The following STEAP4 variants were observed in gnomAD, a reference collection of about 807,000 sequenced individuals.
STEAP4 encodes the protein STEAP4 metalloreductase.
Under a neutral mutation model 43.6 loss-of-function variants are expected in STEAP4, and 36 were observed. The ratio of observed to expected loss-of-function variants is 0.83; its 90% confidence interval spans 0.63 to 1.09. The LOEUF (loss-of-function observed/expected upper bound fraction) is 1.09, where lower values mean the gene tolerates loss of function less well. Ranked by LOEUF, STEAP4 falls within the 50% of genes least tolerant of loss-of-function variation. The pLI is 0.00. For missense variants in STEAP4, 495 were observed against 546.5 expected (o/e 0.91, Z 0.94); for synonymous variants, 191 against 196.7 (o/e 0.97, Z 0.24).
At chr7:88,304,738 CA>C (rs1853100534) in intron 1 of STEAP4, among the ~76,000 whole-genome samples, 1 of 151,802 alleles carries the variant, frequency 6.6e-6, no homozygotes, top group South Asian at 2.1e-4. Flanking sequence ...ATTTGATAAA[CA>C]CGTCTAAATT....
At chr7:88,285,156 A>C (rs1378676284) in intron 1 of STEAP4, among the ~76,000 whole-genome samples, 1 of 152,286 alleles carries the variant, frequency 6.6e-6, no homozygotes, top group African/African-American at 2.4e-5. Context: ...TTCAACATCT[A>C]GGCTGGGAAC....
In STEAP4 at chr7:88,305,123, G is replaced by C. The variant is rs531130325; in HGVS notation, c.-3+1669C>G. 2.6e-5 allele frequency among the ~76,000 whole-genome samples: 4 copies of C among 152,246 alleles called. No homozygotes were observed. In the South Asian group the frequency reaches 8.3e-4, roughly 32 times the overall value. The stretch of plus-strand genomic sequence containing the variant: ...GAAATTGTTCTTCAGCTAGGGGCCA[G>C]GCCTTGTACACCTGGTTTCTGAACA... On this transcript the variant is annotated intron_variant, in intron 1 of 4. Coordinates refer to ENST00000380079, the MANE Select transcript of STEAP4 (RefSeq NM_024636.4).
At chr7:88,289,508 T>G (rs1852800666) in intron 1 of STEAP4, among the ~76,000 whole-genome samples, 1 of 152,190 alleles carries the variant, frequency 6.6e-6, no homozygotes, top group Non-Finnish European at 1.5e-5. Context: ...TTCAGAAATT[T>G]GTGCTTTCCA....
intron 2 of STEAP4, 158 bp downstream of exon 2, chr7:88,283,656 A>G (rs1852669920): frequency 1.2e-6 from 1 of 801,898 alleles, no homozygotes; most frequent in African/African-American, 1.7e-5. Flanking sequence ...TGACCACCTT[A>G]TTTGGTCAAG....
In STEAP4 at chr7:88,272,048, C is replaced by T. The variant is rs945356959; in HGVS notation, c.*7350G>A. ...TTGGCACTGCCAACTACGAGTTCCT[C>T]TTGGCGGCCACCTCTACAAGCTGAA... On this transcript the variant is annotated 3_prime_UTR_variant, in exon 5 of 5. Coordinates refer to ENST00000380079, the MANE Select transcript of STEAP4 (RefSeq NM_024636.4). 1.3e-5 allele frequency: 2 copies of T among 152,218 alleles called. No homozygotes were observed. Among genetic ancestry groups the T allele is most frequent in the South Asian group, 4.1e-4 (2 of 4,832 alleles). 9.4% of individuals were successfully genotyped at this position (152,218 alleles called of 1,614,324 possible).
At chr7:88,286,090 G>T (rs1852729691) in intron 1 of STEAP4, among the ~76,000 whole-genome samples, 1 of 152,162 alleles carries the variant, frequency 6.6e-6, no homozygotes, top group Non-Finnish European at 1.5e-5. Context: ...TTTTATAGCT[G>T]ATTATAAAAC....
intron 1 of STEAP4, among the ~76,000 whole-genome samples, chr7:88,289,911 T>G (rs533104429): frequency 2.6e-5 from 4 of 152,252 alleles, no homozygotes; most frequent in Non-Finnish European, 4.4e-5. Context: ...ACACCTAGTT[T>G]TATAAATCAA....
chr7:88,297,858 G>C lies in STEAP4; in HGVS notation c.-3+8934C>G, dbSNP rs79932188. Among the ~76,000 whole-genome samples the C allele has an allele frequency of 2.0e-5, 3 of 152,216 alleles. No individual in the cohort carries two copies. In the East Asian group the frequency reaches 5.8e-4, roughly 29 times the overall value. ...TTGAAAACATTGTGACAGAAATGCA[G>C]TTTATACACCTAAACTGCCCACATT... On this transcript the variant is annotated intron_variant, in intron 1 of 4. Transcript: ENST00000380079.
At chr7:88,288,955 A>G (rs1401969830) in intron 1 of STEAP4, among the ~76,000 whole-genome samples, 1 of 152,146 alleles carries the variant, frequency 6.6e-6, no homozygotes, top group Non-Finnish European at 1.5e-5. Flanking sequence ...ATACTTTTGA[A>G]GAATATCTTT....
rs572587800 is a variant in STEAP4, at chr7:88,301,390, C to T, written c.-3+5402G>A. On this transcript the variant is annotated intron_variant, in intron 1 of 4. Transcript: ENST00000380079. ...CAGGCTCAAGAGATCTTCCCACTTC[C>T]GCCTCCCAAGTAGCTGAGACTACAT... 1.1e-4 allele frequency among the ~76,000 whole-genome samples: 17 copies of T among 152,204 alleles called. No individual in the cohort carries two copies. The East Asian group carries it at 1.2e-3, about 10-fold the overall frequency.
chr7:88,305,733 T>G (rs1040434678), intron 1 of STEAP4, among the ~76,000 whole-genome samples: 2 of 152,212 alleles, frequency 1.3e-5, no homozygotes, highest in African/African-American at 2.4e-5. Flanking sequence ...AAGGAGATTT[T>G]CTATGTATTT....
At chr7:88,300,798 A>G (rs1477948125) in intron 1 of STEAP4, among the ~76,000 whole-genome samples, 2 of 152,188 alleles carry the variant, frequency 1.3e-5, no homozygotes, top group Non-Finnish European at 2.9e-5. Flanking sequence ...CTGATGGGAT[A>G]ATACCATTTT....
chr7:88,305,378 T>C (rs538213404), intron 1 of STEAP4, among the ~76,000 whole-genome samples: 6 of 152,338 alleles, frequency 3.9e-5, no homozygotes, highest in Non-Finnish European at 7.4e-5. Context: ...CACAGCATTC[T>C]GAAAAACTTG....
intron 1 of STEAP4, among the ~76,000 whole-genome samples, chr7:88,286,700 G>C (rs1852740330): frequency 6.6e-6 from 1 of 151,830 alleles, no homozygotes; most frequent in South Asian, 2.1e-4. Context: ...AACAGAGTGA[G>C]ACTCTGTCCC....
At chr7:88,284,761 A>T in intron 1 of STEAP4, among the ~76,000 whole-genome samples, 1 of 152,174 alleles carries the variant, frequency 6.6e-6, no homozygotes, top group East Asian at 1.9e-4. Flanking sequence ...TTAAAATTTA[A>T]TTTTATATTA....
intron 1 of STEAP4, chr7:88,292,593 T>C (rs1003281980): frequency 2.8e-4 from 43 of 152,174 alleles, no homozygotes; most frequent in African/African-American, 7.0e-4. Context: ...GACATTGACA[T>C]TGGAGCCATA....
chr7:88,296,419 A>G (rs1852924250), intron 1 of STEAP4, among the ~76,000 whole-genome samples: 1 of 152,194 alleles, frequency 6.6e-6, no homozygotes, highest in African/African-American at 2.4e-5. Flanking sequence ...TAACACCTTC[A>G]AACTGTTTAA....
intron 4 of STEAP4, 24 bp from the exon 5 acceptor site, chr7:88,279,652 G>GT (rs1260682648): frequency 3.2e-6 from 5 of 1,553,136 alleles, no homozygotes; most frequent in Non-Finnish European, 3.5e-6. Flanking sequence ...ACAAAAATAT[G>GT]TAAGTTAACA....
intron 1 of STEAP4, among the ~76,000 whole-genome samples, chr7:88,302,005 T>C (rs1022214948): frequency 3.6e-4 from 55 of 152,246 alleles, no homozygotes; most frequent in African/African-American, 1.2e-3. Flanking sequence ...TCTTCTACTT[T>C]AAATAAAATG....
Sources: allele counts gnomAD v4.1 joint callset (sites outside exome capture counted in the v4.1 genomes callset), GRCh38; gene constraint gnomAD v4.1.1; transcripts MANE v1.5; gene names NCBI Gene and HGNC (gene_info 2026-07-23, HGNC 2026-07-21).